Variants in CEP89 observed in about 807,000 individuals in gnomAD.
The protein encoded by CEP89 is centrosomal protein 89.
A neutral mutation model predicts 97.6 loss-of-function variants in CEP89; 95 were observed. The ratio of observed to expected loss-of-function variants is 0.97; its 90% CI spans 0.82 to 1.15. CEP89 has a LOEUF of 1.15. Ranked by LOEUF, CEP89 falls within the 50% of genes most tolerant of loss-of-function variation. The pLI is 0.00. For synonymous variants in CEP89, 354 were observed against 349.1 expected (o/e 1.01, Z -0.16); for missense variants, 869 against 947.7 (o/e 0.92, Z 1.09).
At chr19:32,926,581 G>A (rs957769772) in intron 10 of CEP89, among the ~76,000 whole-genome samples, 6 of 152,136 alleles carry the variant, frequency 3.9e-5, no homozygotes, top group Admixed American at 1.3e-4. Context: ...TCCGTTGCCC[G>A]AAGCCATTCC....
intron 4 of CEP89, among the ~76,000 whole-genome samples, chr19:32,950,252 G>C (rs1435299248): frequency 3.3e-5 from 5 of 151,858 alleles, no homozygotes; most frequent in Admixed American, 3.3e-4. Context: ...TGTGAAATAG[G>C]TAAGATGACT....
At chr19:32,910,265 C>CAGAGAGAGAGAGAGAG (rs71336978) in intron 14 of CEP89, among the ~76,000 whole-genome samples, 2 of 140,570 alleles carry the variant, frequency 1.4e-5, no homozygotes, top group African/African-American at 5.4e-5. Context: ...GACTCTGCCT[C>CAGAGAGAGAGAGAGAG]AGAGAGAGAG....
At chr19:32,957,411 T>C (rs957573337) in intron 3 of CEP89, among the ~76,000 whole-genome samples, 7 of 56,848 alleles carry the variant, frequency 1.2e-4, no homozygotes, top group African/African-American at 8.8e-4. Flanking sequence ...CTCACACCTA[T>C]AATCCCGCAC....
chr19:32,940,157 G>A (rs1037708971), intron 5 of CEP89, among the ~76,000 whole-genome samples: 1 of 152,064 alleles, frequency 6.6e-6, no homozygotes, highest in African/African-American at 2.4e-5. Context: ...GTGTCTCCAA[G>A]CCCTTCCCAT....
intron 8 of CEP89, 129 bp from the exon 9 acceptor site, chr19:32,931,700 G>T: frequency 1.5e-6 from 1 of 654,018 alleles, no homozygotes; most frequent in South Asian, 2.2e-5. Flanking sequence ...GTGTGCGTGT[G>T]TGTCTGTGTG....
intron 13 of CEP89, among the ~76,000 whole-genome samples, chr19:32,917,281 A>G (rs567237751): frequency 4.1e-4 from 62 of 152,304 alleles, no homozygotes; most frequent in South Asian, 3.1e-3. Flanking sequence ...GTAAAGGCAA[A>G]TACTCCTGGG....
chr19:32,901,054 T>G (rs1969757861), intron 15 of CEP89, among the ~76,000 whole-genome samples, 191 bp downstream of exon 15: 1 of 151,962 alleles, frequency 6.6e-6, no homozygotes, highest in African/African-American at 2.4e-5. Context: ...GCCTGGCTAA[T>G]TTTTGTATTT....
In CEP89 at chr19:32,916,864, C is replaced by T. The variant is rs567172610; in HGVS notation, c.1385-1347G>A. On this transcript the variant is annotated intron_variant, in intron 13 of 18. Transcript: ENST00000305768. ...CCCTACTGAAAATACAAAAATTAGC[C>T]GGGAGTGGTGGCGCGTGACTGTAAT... Among the ~76,000 whole-genome samples, 6 of 152,008 alleles carry T rather than the reference C, an allele frequency of 3.9e-5. No individual in the cohort carries two copies. The East Asian group carries it at 9.7e-4, about 25-fold the overall frequency.
chr19:32,924,996 C>A (rs928991818), intron 11 of CEP89, among the ~76,000 whole-genome samples: 1 of 152,090 alleles, frequency 6.6e-6, no homozygotes, highest in Non-Finnish European at 1.5e-5. Flanking sequence ...TCAATTAGTA[C>A]AAGATTCATT....
intron 14 of CEP89, among the ~76,000 whole-genome samples, chr19:32,910,638 T>C (rs1969981636): frequency 6.6e-6 from 1 of 152,110 alleles, no homozygotes; most frequent in South Asian, 2.1e-4. Context: ...TTTCTAATTT[T>C]ATATTCTTAC....
At chr19:32,889,661 T>A (rs983273059) in intron 16 of CEP89, among the ~76,000 whole-genome samples, 1 of 152,116 alleles carries the variant, frequency 6.6e-6, no homozygotes, top group East Asian at 1.9e-4. Flanking sequence ...AAGCCTGTGA[T>A]ACTCCCTGGC....
At chr19:32,881,718 C>A in intron 18 of CEP89, 126 bp downstream of exon 18, 1 of 871,656 alleles carries the variant, frequency 1.1e-6, no homozygotes, top group Non-Finnish European at 1.7e-6. Context: ...ACATTCAGAT[C>A]AGAGTAAAAT....
At chr19:32,895,013 G>A (rs2145880544) in intron 16 of CEP89, among the ~76,000 whole-genome samples, 1 of 152,218 alleles carries the variant, frequency 6.6e-6, no homozygotes, top group East Asian at 1.9e-4. Flanking sequence ...AAAAGTCCAG[G>A]ACCAGATGGT....
intron 2 of CEP89, among the ~76,000 whole-genome samples, chr19:32,962,286 C>T (rs929147134): frequency 4.6e-5 from 7 of 152,144 alleles, no homozygotes; most frequent in Non-Finnish European, 7.3e-5. Flanking sequence ...TCTCATCTGC[C>T]GCCATGTAAG....
At chr19:32,955,959 C>T (rs111904124) in intron 3 of CEP89, among the ~76,000 whole-genome samples, 4 of 151,906 alleles carry the variant, frequency 2.6e-5, no homozygotes, top group Non-Finnish European at 5.9e-5. Context: ...TCTAAATTTG[C>T]ATTTGTTACT....
intron 7 of CEP89, among the ~76,000 whole-genome samples, chr19:32,935,279 G>A (rs748623558): frequency 3.3e-5 from 5 of 152,182 alleles, no homozygotes; most frequent in Non-Finnish European, 5.9e-5. Flanking sequence ...GCAGGGTGCA[G>A]TAAACAGAGG....
intron 2 of CEP89, among the ~76,000 whole-genome samples, chr19:32,961,414 C>CAAA (rs5827831): frequency 7.5e-6 from 1 of 133,948 alleles, no homozygotes; most frequent in African/African-American, 2.8e-5. Context: ...ACCAAAAATA[C>CAAA]AAAAAAAAAA....
At chr19:32,959,818 T>G in intron 3 of CEP89, 82 bp downstream of exon 3, 1 of 1,493,764 alleles carries the variant, frequency 6.7e-7, no homozygotes, top group Non-Finnish European at 9.2e-7. Context: ...CATGTACGCA[T>G]GCACACATAC....
intron 14 of CEP89, among the ~76,000 whole-genome samples, chr19:32,907,428 C>T (rs1219009320): frequency 6.6e-6 from 1 of 151,506 alleles, no homozygotes; most frequent in East Asian, 1.9e-4. Context: ...TAAATGCTTT[C>T]CCTCCAAACA....
Sources: gnomAD v4.1 joint callset for allele counts (sites outside exome capture counted in the v4.1 genomes callset) on GRCh38, gnomAD v4.1.1 for gene constraint, MANE v1.5 for transcripts, NCBI Gene and HGNC (gene_info 2026-07-23, HGNC 2026-07-21) for gene names.